The following GRIP1 variants were observed in gnomAD, a reference collection of about 807,000 sequenced individuals.
GRIP1 encodes the protein glutamate receptor interacting protein 1.
Under a neutral mutation model 129.9 loss-of-function variants are expected in GRIP1, and 45 were observed. The ratio of observed to expected loss-of-function variants is 0.35; its 90% CI spans 0.27 to 0.44. The LOEUF is 0.44. Ranked by LOEUF, GRIP1 falls within the 20% of genes least tolerant of loss-of-function variation. The probability of loss-of-function intolerance (pLI) is 1.00; values close to 1 mark genes in which losing one functional copy is unlikely to be tolerated. For missense variants in GRIP1, 1,196 were observed against 1,396.8 expected, an observed-to-expected ratio of 0.86 and a Z score of 2.29; for synonymous variants, 530 against 520.8, an observed-to-expected ratio of 1.02 and a Z score of -0.24.
chr12:66,859,254 T>C (rs2040059558), intron 1 of GRIP1, among the ~76,000 whole-genome samples: 1 of 99,062 alleles, frequency 1.0e-5, no homozygotes, highest in Non-Finnish European at 2.1e-5. Context: ...TTCTCCACAT[T>C]TTCTGAAAAA....
chr12:66,975,466 G>A (rs558711925), intron 1 of GRIP1, among the ~76,000 whole-genome samples: 6 of 152,306 alleles, frequency 3.9e-5, no homozygotes, highest in African/African-American at 7.2e-5. Flanking sequence ...ATTTGTGTGC[G>A]TGAGAATTTT....
chr12:66,539,545 C>CTTTTTTTTTTTTTTTTTTTT (rs35373698), intron 3 of GRIP1, among the ~76,000 whole-genome samples: 6 of 59,288 alleles, frequency 1.0e-4, no homozygotes, highest in Admixed American at 2.6e-4. Flanking sequence ...TCAAGAGAAG[C>CTTTTTTTTTTTTTTTTTTTT]TTTTTTTTTT....
intron 1 of GRIP1, among the ~76,000 whole-genome samples, chr12:66,646,579 A>G (rs2032386330): frequency 6.6e-6 from 1 of 152,218 alleles, no homozygotes; most frequent in African/African-American, 2.4e-5. Flanking sequence ...TGACCACATA[A>G]GAGAGGTACT....
intron 1 of GRIP1, among the ~76,000 whole-genome samples, chr12:66,898,010 C>T (rs1485971505): frequency 6.6e-6 from 1 of 152,156 alleles, no homozygotes; most frequent in Non-Finnish European, 1.5e-5. Flanking sequence ...TCTCAAGCAA[C>T]AGTACAGTAG....
chr12:66,912,809 T>G (rs1305609318), intron 1 of GRIP1, among the ~76,000 whole-genome samples: 1 of 152,176 alleles, frequency 6.6e-6, no homozygotes, highest in Non-Finnish European at 1.5e-5. Flanking sequence ...TCATGAACCA[T>G]GATCATTAAT....
intron 7 of GRIP1, among the ~76,000 whole-genome samples, chr12:66,505,246 C>T (rs7313182): frequency 0.49 from 74,862 of 151,864 alleles, 19,014 homozygotes; most frequent in African/African-American, 0.63. Context: ...ATATGAAATA[C>T]GAGGACTCAA....
chr12:66,811,560 T>G (rs2039104678), intron 1 of GRIP1, among the ~76,000 whole-genome samples: 1 of 152,132 alleles, frequency 6.6e-6, no homozygotes, highest in African/African-American at 2.4e-5. Flanking sequence ...ACCTAATGCC[T>G]TCTATTTCCC....
At chr12:66,691,417 A>T (rs1263410830) in intron 1 of GRIP1, among the ~76,000 whole-genome samples, 2 of 152,352 alleles carry the variant, frequency 1.3e-5, no homozygotes, top group South Asian at 2.1e-4. Flanking sequence ...ATATTTCATT[A>T]AAAATACAAC....
intron 7 of GRIP1, among the ~76,000 whole-genome samples, chr12:66,501,716 G>A (rs575393458): frequency 5.1e-4 from 77 of 152,186 alleles, no homozygotes; most frequent in African/African-American, 1.6e-3. Flanking sequence ...TTTAAAATAT[G>A]CTAAAATTAA....
chr12:66,862,955 T>C (rs954523153), intron 1 of GRIP1, among the ~76,000 whole-genome samples: 3 of 151,948 alleles, frequency 2.0e-5, no homozygotes, highest in African/African-American at 7.3e-5. Context: ...AAATATGAAA[T>C]GTTGTACTAT....
Position 66,663,413 on chromosome 12 carries a change from C to T in GRIP1, c.55+15437G>A, listed in dbSNP as rs572370403. Reference sequence around the variant, plus strand: ...AGTAGAGTGTATGAAGGTCATCTACCTCTTTCACCATCTGGGGGGCCAATC... The same window carrying T: ...AGTAGAGTGTATGAAGGTCATCTACTTCTTTCACCATCTGGGGGGCCAATC... On this transcript the variant is annotated intron_variant, in intron 1 of 24. Transcript: ENST00000359742. 5.9e-5 allele frequency among the ~76,000 whole-genome samples: 9 copies of T among 152,250 alleles called. 1 individual carries two copies. The South Asian group carries it at 1.9e-3, about 32-fold the overall frequency.
At position 66,354,103 on chromosome 12, in the gene GRIP1, T is replaced by C. The variant is rs115477249; in HGVS notation, c.3013-540A>G. ...ATCACAGAACACTATGTAAAAGACC[T>C]GAATGTGTCTCTATGACAACACCTT... On this transcript the variant is annotated intron_variant, in intron 23 of 24. Transcript: ENST00000359742. Among the ~76,000 whole-genome samples the C allele has an allele frequency of 9.4e-3, 1,438 of 152,302 alleles. 21 individuals carry two copies. The highest frequency in any genetic ancestry group is 0.034 in the African/African-American group (1,393 of 41,560).
chr12:66,808,902 C>T (rs2039050306), upstream of GRIP1, among the ~76,000 whole-genome samples: 1 of 152,148 alleles, frequency 6.6e-6, no homozygotes, highest in African/African-American at 2.4e-5. Flanking sequence ...AGTCTCAAAA[C>T]ACTAATTACT....
intron 1 of GRIP1, among the ~76,000 whole-genome samples, chr12:66,858,538 G>A (rs2040046321): frequency 6.6e-6 from 1 of 151,874 alleles, no homozygotes; most frequent in African/African-American, 2.4e-5. Context: ...CTAGGTAATA[G>A]TGTCTACTGT....
In GRIP1 at chr12:66,846,572, G is replaced by A. The variant is rs76349958; in HGVS notation, c.58+222478C>T. On this transcript the variant is annotated intron_variant, in intron 1 of 1. Transcript: ENST00000643019. Reference sequence around the variant, plus strand: ...AAAAGATCAGGAGATGACTAACACCGAAAAAATAGTTCATTTTGGAGGCTA... The same window carrying A: ...AAAAGATCAGGAGATGACTAACACCAAAAAAATAGTTCATTTTGGAGGCTA... 6.6e-3 allele frequency among the ~76,000 whole-genome samples: 1,002 copies of A among 152,180 alleles called. 19 individuals are homozygous for A. The highest frequency in any genetic ancestry group is 0.023 in the African/African-American group (955 of 41,530).
intron 1 of GRIP1, among the ~76,000 whole-genome samples, chr12:66,994,687 C>A (rs554610971): frequency 3.3e-4 from 50 of 151,672 alleles, no homozygotes; most frequent in African/African-American, 1.1e-3. Flanking sequence ...AAATGTTGAA[C>A]GAAATGAACA....
chr12:66,765,824 C>T (rs923885662), intron 1 of GRIP1, among the ~76,000 whole-genome samples: 4 of 152,122 alleles, frequency 2.6e-5, no homozygotes, highest in African/African-American at 9.7e-5. Context: ...AAGAAATATA[C>T]ACTAGATTTG....
intron 2 of GRIP1, among the ~76,000 whole-genome samples, chr12:66,547,745 G>A (rs1347263052): frequency 6.6e-6 from 1 of 152,162 alleles, no homozygotes; most frequent in Non-Finnish European, 1.5e-5. Flanking sequence ...TAGAGTATGG[G>A]TTAGAAGTTG....
intron 1 of GRIP1, among the ~76,000 whole-genome samples, chr12:66,723,300 CTTTCTTTTTT>C (rs1565988109): frequency 0.093 from 3,967 of 42,450 alleles, 504 homozygotes; most frequent in Admixed American, 0.3. Flanking sequence ...TTCTTTCTTT[CTTTCTTTTTT>C]TTTTTTTTTT....
Sources: allele counts gnomAD v4.1 joint callset (sites outside exome capture counted in the v4.1 genomes callset), GRCh38; gene constraint gnomAD v4.1.1; transcripts MANE v1.5; gene names NCBI Gene and HGNC (gene_info 2026-07-23, HGNC 2026-07-21).